Variants in SLC8A3 observed in about 807,000 individuals in gnomAD.
SLC8A3 encodes the protein solute carrier family 8 member A3, also known as sodium/calcium exchanger 3.
Under a neutral mutation model 65.4 loss-of-function variants are expected in SLC8A3, and 37 were observed. The ratio of observed to expected loss-of-function variants is 0.57; its 90% CI spans 0.44 to 0.74. SLC8A3 has a LOEUF of 0.74. Ranked by LOEUF, SLC8A3 falls within the 30% of genes least tolerant of loss-of-function variation. The pLI is 0.00. For missense variants in SLC8A3, 1,112 were observed against 1,172.1 expected (o/e 0.95, Z 0.75); for synonymous variants, 461 against 444.5 (o/e 1.04, Z -0.47).
intron 2 of SLC8A3, among the ~76,000 whole-genome samples, chr14:70,139,755 G>A (rs1324820772): frequency 6.6e-6 from 1 of 152,210 alleles, no homozygotes; most frequent in Non-Finnish European, 1.5e-5. Context: ...AGAGGGGTTA[G>A]ATGAATGGAC....
chr14:70,156,191 TA>T (rs1896561755), intron 2 of SLC8A3, among the ~76,000 whole-genome samples: 1 of 152,202 alleles, frequency 6.6e-6, no homozygotes, highest in African/African-American at 2.4e-5. Flanking sequence ...ATAAAGAAAT[TA>T]TCTGCTTCAC....
Position 70,166,882 on chromosome 14 carries a change from G to T in SLC8A3, c.1541C>A (p.Ala514Asp). ...NSLPLPRAVL[A>D]SPCVATVTIL... Reference sequence around the variant, plus strand: ...GGTAACTGTGGCCACACAAGGGGAGGCTAGGACAGCCCGAGGCAAGGGAAG... The same window carrying T: ...GGTAACTGTGGCCACACAAGGGGAGTCTAGGACAGCCCGAGGCAAGGGAAG... The change falls in exon 2 of 7, where the codon GCC (alanine) becomes GAC (aspartate). Residue 514 changes from alanine to aspartate, a missense_variant. Ala to Asp is a moderately radical substitution (Grantham distance 126). Transcript: ENST00000356921. The T allele has an allele frequency of 6.2e-7, 1 of 1,614,100 alleles. No individual in the cohort carries two copies. Among genetic ancestry groups the T allele is most frequent in the South Asian group, 1.1e-5 (1 of 91,076 alleles).
intron 1 of SLC8A3, among the ~76,000 whole-genome samples, chr14:70,174,309 C>G (rs1003056299): frequency 2.0e-5 from 3 of 152,236 alleles, no homozygotes; most frequent in Non-Finnish European, 4.4e-5. Flanking sequence ...CAAGAACTTC[C>G]TTTCCAGCCT....
intron 2 of SLC8A3, among the ~76,000 whole-genome samples, chr14:70,095,281 C>T (rs1056823878): frequency 6.6e-6 from 1 of 152,178 alleles, no homozygotes; most frequent in Non-Finnish European, 1.5e-5. Context: ...TAAGAGGGCC[C>T]TAGGACCCCC....
chr14:70,052,634 G>A (rs1448868324), intron 3 of SLC8A3, among the ~76,000 whole-genome samples: 2 of 152,146 alleles, frequency 1.3e-5, no homozygotes, highest in African/African-American at 4.8e-5. Flanking sequence ...CACTTTGGCT[G>A]ATGAGTCCAT....
chr14:70,107,446 G>A (rs888301610), intron 2 of SLC8A3, among the ~76,000 whole-genome samples: 20 of 152,030 alleles, frequency 1.3e-4, no homozygotes, highest in African/African-American at 4.8e-4. Context: ...AGATCCTATC[G>A]ACAAGGGCAC....
chr14:70,121,891 G>A (rs1894086318), intron 2 of SLC8A3, among the ~76,000 whole-genome samples: 1 of 152,050 alleles, frequency 6.6e-6, no homozygotes, highest in African/African-American at 2.4e-5. Flanking sequence ...TGCAGGGGCT[G>A]GGAATGGTCC....
At position 70,124,350 on chromosome 14, in the gene SLC8A3, A is replaced by G. The variant is rs1894293798; in HGVS notation, c.1784+42289T>C. 2.0e-5 allele frequency among the ~76,000 whole-genome samples: 3 copies of G among 152,322 alleles called. No homozygotes were observed. In the South Asian group the frequency reaches 6.2e-4, roughly 32 times the overall value. ...CCACCTCTTCCCTCACTCAGTCGCC[A>G]AACATGGTAGTCATCTGACATCTTT... On this transcript the variant is annotated intron_variant, in intron 2 of 6. Transcript: ENST00000356921.
At chr14:70,066,391 C>A (rs563024077) in intron 2 of SLC8A3, among the ~76,000 whole-genome samples, 2 of 152,356 alleles carry the variant, frequency 1.3e-5, no homozygotes, top group Admixed American at 1.3e-4. Context: ...CATCATCTAA[C>A]AAATTGCCCA....
chr14:70,081,712 A>C lies in SLC8A3; in HGVS notation c.1785-20773T>G, dbSNP rs1891064500. Among the ~76,000 whole-genome samples, 2 of 152,168 alleles carry C rather than the reference A, an allele frequency of 1.3e-5. 1 individual carries two copies. Among genetic ancestry groups the C allele is most frequent in the South Asian group, 4.1e-4 (2 of 4,826 alleles). ...ATTGGATTCAAGAGCACAGGAGGGG[A>C]TGTTTATCAGATGAAAAGTCCCAAA... On this transcript the variant is annotated intron_variant, in intron 2 of 6. Coordinates refer to ENST00000356921, the MANE Select transcript of SLC8A3 (RefSeq NM_182932.3).
At chr14:70,122,406 T>G (rs1894132192) in intron 2 of SLC8A3, among the ~76,000 whole-genome samples, 1 of 152,110 alleles carries the variant, frequency 6.6e-6, no homozygotes, top group African/African-American at 2.4e-5. Flanking sequence ...CCATCTTTAC[T>G]GGTTCAAGGA....
In SLC8A3 at chr14:70,071,084, A is replaced by G. The variant is rs372295014; in HGVS notation, c.1785-10145T>C. ...TGATTGATTTACAGCCTATTTTGCCACATGCTAGTGTTTGCTCAAAGTGGG... is the reference window on the plus strand; with the variant it reads ...TGATTGATTTACAGCCTATTTTGCCGCATGCTAGTGTTTGCTCAAAGTGGG... On this transcript the variant is annotated intron_variant, in intron 2 of 6. Coordinates refer to ENST00000356921, the MANE Select transcript of SLC8A3 (RefSeq NM_182932.3). Among the ~76,000 whole-genome samples, 14 of 152,340 alleles carry G rather than the reference A, an allele frequency of 9.2e-5. 1 individual carries two copies. The highest frequency in any genetic ancestry group is 3.4e-4 in the African/African-American group (14 of 41,576).
At chr14:70,058,834 G>A (rs186795707) in intron 3 of SLC8A3, among the ~76,000 whole-genome samples, 14 of 152,264 alleles carry the variant, frequency 9.2e-5, no homozygotes, top group South Asian at 2.1e-4. Context: ...TGCTGCTTTC[G>A]TTTGCATCTA....
intron 2 of SLC8A3, among the ~76,000 whole-genome samples, chr14:70,134,913 TAC>T (rs1895086395): frequency 6.6e-6 from 1 of 152,322 alleles, no homozygotes; most frequent in South Asian, 2.1e-4. Context: ...ATAGAGTTAC[TAC>T]AGATGTAATT....
chr14:70,174,139 C>T (rs752045327), intron 1 of SLC8A3, among the ~76,000 whole-genome samples: 22 of 152,204 alleles, frequency 1.4e-4, no homozygotes, highest in Non-Finnish European at 2.8e-4. Flanking sequence ...CATGCTGTTA[C>T]CACTGTGCTT....
Position 70,167,301 on chromosome 14 carries a change from T to A in SLC8A3, c.1122A>T (p.Ala374=), listed in dbSNP as rs1413158149. 3.1e-6 allele frequency: 5 copies of A among 1,614,128 alleles called. No individual in the cohort carries two copies. The highest frequency in any genetic ancestry group is 4.2e-6 in the Non-Finnish European group (5 of 1,180,046). The change falls in exon 2 of 7, where the codon GCA becomes GCT. Residue 374 remains alanine (A), a synonymous_variant. Transcript: ENST00000356921. Reference sequence around the variant, plus strand: ...TGCTGGAGGCCTTCTTGGCTTGTTCTGCTGCATGTTTCTTCAGGATATTGC... The same window carrying A: ...TGCTGGAGGCCTTCTTGGCTTGTTCAGCTGCATGTTTCTTCAGGATATTGC... ...GAGNILKKHA[A]EQAKKASSMS...
rs906962777 is a variant in SLC8A3 at position 70,168,025 on chromosome 14, A to G, written c.398T>C (p.Val133Ala). Residue 133 changes from valine to alanine, a missense_variant, in exon 2 of 7, where the codon GTC becomes GCC. Physicochemically the swap from Val to Ala is moderately conservative, Grantham distance 64. Coordinates refer to ENST00000356921, the MANE Select transcript of SLC8A3 (RefSeq NM_182932.3). ...CAGGGCCATAAGGGTCAGGTTGGAG[A>G]CAGTTTCATTCCAGACCCGAATAGT... Reference protein sequence around the residue: ...TTTIRVWNETVSNLTLMALGS... With the variant: ...TTTIRVWNETASNLTLMALGS... The G allele has an allele frequency of 3.1e-6, 5 of 1,614,016 alleles. No individual in the cohort carries two copies. Among genetic ancestry groups the G allele is most frequent in the Admixed American group, 1.7e-5 (1 of 60,002 alleles).
At chr14:70,181,138 C>G (rs1018660584) in intron 1 of SLC8A3, among the ~76,000 whole-genome samples, 18 of 152,226 alleles carry the variant, frequency 1.2e-4, no homozygotes, top group Admixed American at 1.1e-3. Flanking sequence ...ATAAGGAATC[C>G]AAGGCCCAGA....
rs188064782 is a variant in SLC8A3, at chr14:70,046,813, G to A, written c.2390-490C>T. The A allele has an allele frequency of 2.6e-3, 412 of 157,070 alleles. 1 individual carries two copies. Among genetic ancestry groups the A allele is most frequent in the African/African-American group, 9.4e-3 (393 of 41,594 alleles). The allele number at this position is 157,070 out of a possible 1,614,324, so 9.7% of individuals were successfully genotyped here. ...GGATTTTGGGGACAGAGGACATGTTGGGGAACCATGATGGGGACATGCAGG... is the reference window on the plus strand; with the variant it reads ...GGATTTTGGGGACAGAGGACATGTTAGGGAACCATGATGGGGACATGCAGG... On this transcript the variant is annotated intron_variant, in intron 6 of 6. Coordinates refer to ENST00000356921, the MANE Select transcript of SLC8A3 (RefSeq NM_182932.3). This position sits in a 1 kb window ranked among gnomAD's most constrained non-coding sequence, Gnocchi z 4.2.
Sources: allele counts gnomAD v4.1 joint callset (sites outside exome capture counted in the v4.1 genomes callset), GRCh38; gene constraint gnomAD v4.1.1; non-coding constraint Gnocchi (gnomAD v3.1); transcripts MANE v1.5; gene names NCBI Gene and HGNC (gene_info 2026-07-23, HGNC 2026-07-21).